Variants in TDRP observed in about 807,000 individuals in gnomAD.
TDRP encodes the protein testis development-related protein.
TDRP carries 12 observed loss-of-function variants against 10.5 expected under a neutral mutation model. The ratio of observed to expected loss-of-function variants is 1.15; its 90% CI spans 0.73 to 1.86. The LOEUF is 1.86. TDRP is among the 40% of genes most tolerant of loss of function. TDRP has a pLI of 0.00. For synonymous variants in TDRP, 139 were observed against 95.4 expected, an observed-to-expected ratio of 1.46 and a Z score of -2.67; for missense variants, 353 against 229.2, an observed-to-expected ratio of 1.54 and a Z score of -3.49.
intron 1 of TDRP, among the ~76,000 whole-genome samples, chr8:536,129 G>C (rs1802343639): frequency 6.6e-6 from 1 of 152,228 alleles, no homozygotes; most frequent in African/African-American, 2.4e-5. Flanking sequence ...ATTATACAGA[G>C]TAATATGCTA....
intron 1 of TDRP, among the ~76,000 whole-genome samples, chr8:529,586 TG>T (rs1170867531): frequency 6.6e-6 from 1 of 151,504 alleles, no homozygotes; most frequent in Non-Finnish European, 1.5e-5. Context: ...TTTGGTTATC[TG>T]GGAAGGTCTT....
chr8:541,680 G>A (rs190570986), intron 1 of TDRP, among the ~76,000 whole-genome samples: 1 of 152,208 alleles, frequency 6.6e-6, no homozygotes, highest in East Asian at 1.9e-4. Flanking sequence ...TTATCATCAG[G>A]GAATCGCAAT....
rs1287580348 is a variant in TDRP at position 493,991 on chromosome 8, TTG to T, written c.212+501_212+502del. Reference sequence around the variant, plus strand: ...CATCGAACACCACAACTCATTTCTGTTGTTTTTTTTTTTTTTTTTTTTGAGAC... The same window carrying T: ...CATCGAACACCACAACTCATTTCTGTTTTTTTTTTTTTTTTTTTTTGAGAC... On this transcript the variant is annotated intron_variant, in intron 2 of 2. Transcript: ENST00000324079. 5.1e-3 allele frequency among the ~76,000 whole-genome samples: 640 copies of T among 124,700 alleles called. 7 individuals are homozygous for T. Among genetic ancestry groups the T allele is most frequent in the African/African-American group, 0.02 (607 of 31,012 alleles). The allele number at this position is 124,700 out of a possible 152,430, so 81.8% of individuals were successfully genotyped here.
intron 1 of TDRP, among the ~76,000 whole-genome samples, chr8:515,140 C>G (rs561497025): frequency 4.6e-5 from 7 of 152,222 alleles, no homozygotes; most frequent in Middle Eastern, 3.4e-3. Context: ...AAAGAGAAGA[C>G]GGCACTGATG....
chr8:516,448 A>G (rs1359845555), intron 1 of TDRP, among the ~76,000 whole-genome samples: 1 of 152,232 alleles, frequency 6.6e-6, no homozygotes, highest in Non-Finnish European at 1.5e-5. Context: ...AAAATGAGCA[A>G]AAGACTTTAA....
chr8:528,555 T>C (rs1394105259), intron 1 of TDRP, among the ~76,000 whole-genome samples: 2 of 143,522 alleles, frequency 1.4e-5, no homozygotes, highest in Non-Finnish European at 3.1e-5. Context: ...TAGCATAAGA[T>C]CTGGTACTTG....
At chr8:521,250 A>C (rs1252768875) in intron 1 of TDRP, among the ~76,000 whole-genome samples, 7 of 145,096 alleles carry the variant, frequency 4.8e-5, no homozygotes, top group African/African-American at 1.9e-4. Flanking sequence ...AAAATCCAAA[A>C]AAAAAAAAAA....
intron 2 of TDRP, among the ~76,000 whole-genome samples, chr8:493,381 A>G (rs1048220938): frequency 5.9e-5 from 9 of 152,208 alleles, no homozygotes; most frequent in Admixed American, 2.0e-4. Flanking sequence ...CCTGACAACC[A>G]GGGAACCGGT....
chr8:492,123 A>G lies in TDRP; in HGVS notation c.*276T>C. The G allele has an allele frequency of 8.1e-7, 1 of 1,234,990 alleles. No individual in the cohort carries two copies. Among genetic ancestry groups the G allele is most frequent in the Non-Finnish European group, 1.0e-6 (1 of 989,492 alleles). The allele number at this position is 1,234,990 out of a possible 1,614,324, so 76.5% of individuals were successfully genotyped here. ...CAAATCATTACTGCTGTATTATGGGAGAGCATCATAAATTCACATCTCCAG... is the reference window on the plus strand; with the variant it reads ...CAAATCATTACTGCTGTATTATGGGGGAGCATCATAAATTCACATCTCCAG... On this transcript the variant is annotated 3_prime_UTR_variant, in exon 3 of 3. Coordinates refer to ENST00000324079, the MANE Select transcript of TDRP (RefSeq NM_001384899.1).
intron 1 of TDRP, among the ~76,000 whole-genome samples, chr8:542,835 C>T (rs1018466074): frequency 1.8e-4 from 23 of 131,406 alleles, no homozygotes; most frequent in Admixed American, 8.7e-5. Flanking sequence ...CCACCCTGGG[C>T]GACAAGAGCG....
At chr8:539,492 A>C (rs890448820) in intron 1 of TDRP, among the ~76,000 whole-genome samples, 3 of 152,360 alleles carry the variant, frequency 2.0e-5, no homozygotes, top group Non-Finnish European at 2.9e-5. Flanking sequence ...TTTAACACAC[A>C]AACACAGACG....
chr8:539,230 G>T (rs1451488119), intron 1 of TDRP, among the ~76,000 whole-genome samples: 1 of 152,128 alleles, frequency 6.6e-6, no homozygotes, highest in Non-Finnish European at 1.5e-5. Context: ...GAGTCACGAG[G>T]GTGGGGCCGG....
chr8:537,173 G>A (rs1333428833), intron 1 of TDRP, among the ~76,000 whole-genome samples: 1 of 152,202 alleles, frequency 6.6e-6, no homozygotes, highest in East Asian at 1.9e-4. Flanking sequence ...AGCCCCACGT[G>A]GGCCTGGCTC....
In TDRP at chr8:529,157, A is replaced by G. The variant is rs866818390; in HGVS notation, c.108+15493T>C. Among the ~76,000 whole-genome samples, 6 of 152,120 alleles carry G rather than the reference A, an allele frequency of 3.9e-5. No homozygotes were observed. In the South Asian group the frequency reaches 6.2e-4, roughly 16 times the overall value. The stretch of plus-strand genomic sequence containing the variant: ...CTGCCTTTCCCAGTCCAAGGATTCA[A>G]ATGTTAACCTCCTTTGGCAACACCC... On this transcript the variant is annotated intron_variant, in intron 1 of 2. Coordinates refer to ENST00000324079, the MANE Select transcript of TDRP (RefSeq NM_001384899.1).
At chr8:518,760 A>ATT (rs35741906) in intron 1 of TDRP, among the ~76,000 whole-genome samples, 60 of 150,292 alleles carry the variant, frequency 4.0e-4, no homozygotes, top group Admixed American at 9.9e-4. Context: ...AGATTCCACC[A>ATT]TTTTTTTTTT....
At chr8:537,871 G>T (rs1414109864) in intron 1 of TDRP, among the ~76,000 whole-genome samples, 1 of 152,152 alleles carries the variant, frequency 6.6e-6, no homozygotes, top group Non-Finnish European at 1.5e-5. Context: ...TACCTACTTG[G>T]TTATATAAAA....
chr8:504,263 C>A (rs1801391083), intron 1 of TDRP, among the ~76,000 whole-genome samples: 2 of 152,210 alleles, frequency 1.3e-5, no homozygotes, highest in South Asian at 4.1e-4. Flanking sequence ...AAACGGAGGA[C>A]TGGCCTCAAA....
chr8:494,824 G>C (rs1032790658), intron 1 of TDRP: 1 of 428,930 alleles, frequency 2.3e-6, no homozygotes, highest in African/African-American at 2.0e-5. Context: ...GTGATGCTGA[G>C]TAATCTAAAT....
chr8:513,470 C>A (rs1365397492), intron 1 of TDRP, among the ~76,000 whole-genome samples: 1 of 152,090 alleles, frequency 6.6e-6, no homozygotes, highest in Non-Finnish European at 1.5e-5. Flanking sequence ...ATGATAAAAA[C>A]ATTCAACAAA....
Sources: gnomAD v4.1 joint callset for allele counts (sites outside exome capture counted in the v4.1 genomes callset) on GRCh38, gnomAD v4.1.1 for gene constraint, MANE v1.5 for transcripts, NCBI Gene and HGNC (gene_info 2026-07-23, HGNC 2026-07-21) for gene names.